The following BRWD1 variants were observed in gnomAD, a reference collection of about 807,000 sequenced individuals.
BRWD1 encodes bromodomain and WD repeat domain containing 1, also known as bromodomain and WD repeat-containing protein 1.
A neutral mutation model predicts 251.2 loss-of-function variants in BRWD1; 82 were observed. The ratio of observed to expected loss-of-function variants is 0.33; its 90% CI spans 0.27 to 0.39. BRWD1 has a LOEUF of 0.39. Ranked by LOEUF, BRWD1 falls within the 10% of genes least tolerant of loss-of-function variation. The probability of loss-of-function intolerance (pLI) is 1.00; values close to 1 mark genes in which losing one functional copy is unlikely to be tolerated. For missense variants in BRWD1, 2,233 were observed against 2,711.6 expected, an observed-to-expected ratio of 0.82 and a Z score of 3.92; for synonymous variants, 918 against 902.8, an observed-to-expected ratio of 1.02 and a Z score of -0.30.
Position 39,190,498 on chromosome 21 carries a change from T to C in BRWD1, c.*5761A>G. The C allele has an allele frequency of 1.0e-6, 1 of 985,364 alleles. No individual in the cohort carries two copies. Among genetic ancestry groups the C allele is most frequent in the African/African-American group, 1.7e-5 (1 of 57,350 alleles). The allele number at this position is 985,364 out of a possible 1,614,324, so 61.0% of individuals were successfully genotyped here. On this transcript the variant is annotated 3_prime_UTR_variant, in exon 41 of 41. Coordinates refer to ENST00000342449, the MANE Select transcript of BRWD1 (RefSeq NM_033656.4). Reference sequence around the variant, plus strand: ...TGCTGTGGTTGGTGGATAAATCAAATCCACAAAGTGGGTAAACCCTCTAGG... The same window carrying C: ...TGCTGTGGTTGGTGGATAAATCAAACCCACAAAGTGGGTAAACCCTCTAGG...
chr21:39,223,317 A>G (rs888257278), intron 29 of BRWD1, among the ~76,000 whole-genome samples: 1 of 152,156 alleles, frequency 6.6e-6, no homozygotes, highest in Admixed American at 6.6e-5. Flanking sequence ...AAAGTGCTAT[A>G]AAAAATGGAG....
chr21:39,289,580 G>A (rs2035744254), intron 8 of BRWD1, among the ~76,000 whole-genome samples: 1 of 152,034 alleles, frequency 6.6e-6, no homozygotes, highest in Admixed American at 6.6e-5. Flanking sequence ...CCATTGCTAA[G>A]AAGTTCTCAG....
At chr21:39,301,987 T>G (rs990172356) in intron 4 of BRWD1, among the ~76,000 whole-genome samples, 7 of 135,284 alleles carry the variant, frequency 5.2e-5, no homozygotes, top group Non-Finnish European at 7.8e-5. Context: ...TGTTTTTTTT[T>G]TTTTTTTTTT....
At position 39,190,435 on chromosome 21, in the gene BRWD1, C is replaced by G; in HGVS notation, c.*5824G>C. ...CTGACTCAAAATGAAAACATACTAG[C>G]CTCTTTCATAAACTCCTAGAATCTT... On this transcript the variant is annotated 3_prime_UTR_variant, in exon 41 of 41. Transcript: ENST00000342449. 8.1e-6 allele frequency: 8 copies of G among 985,236 alleles called. No individual in the cohort carries two copies. Among genetic ancestry groups the G allele is most frequent in the Non-Finnish European group, 9.6e-6 (8 of 829,848 alleles). The allele number at this position is 985,236 out of a possible 1,614,324, so 61.0% of individuals were successfully genotyped here. A position where few individuals can be genotyped will look rare whatever the true frequency, so the allele number is the denominator to read the frequency against.
rs113610690 is a variant in BRWD1 at position 39,297,370 on chromosome 21, C to G, written c.350-1007G>C. On this transcript the variant is annotated intron_variant, in intron 5 of 40. Transcript: ENST00000342449. Reference sequence around the variant, plus strand: ...TCCTGGGGTACCAGTACAAAACAAACAGAGAATACGCCCCTACCCTAGGGC... The same window carrying G: ...TCCTGGGGTACCAGTACAAAACAAAGAGAGAATACGCCCCTACCCTAGGGC... 6.1e-6 allele frequency: 6 copies of G among 985,428 alleles called. No individual in the cohort carries two copies. In the African/African-American group the frequency reaches 7.0e-5, roughly 11 times the overall value. The allele number at this position is 985,428 out of a possible 1,614,324, so 61.0% of individuals were successfully genotyped here.
At position 39,187,081 on chromosome 21, in the gene BRWD1, T is replaced by C. The variant is rs181336124; in HGVS notation, c.*9178A>G. On this transcript the variant is annotated 3_prime_UTR_variant, in exon 41 of 41. Coordinates refer to ENST00000342449, the MANE Select transcript of BRWD1 (RefSeq NM_033656.4). Reference sequence around the variant, plus strand: ...CCCCCTTAAAAAAAGCATTTTTCTATTAATATCTTCTAGCTCTTTTTCACT... The same window carrying C: ...CCCCCTTAAAAAAAGCATTTTTCTACTAATATCTTCTAGCTCTTTTTCACT... 1.9e-4 allele frequency: 309 copies of C among 1,596,812 alleles called. 3 individuals are homozygous for C. In the South Asian group the frequency reaches 2.1e-3, roughly 11 times the overall value.
chr21:39,207,451 A>AAAACACAC (rs375444336), intron 36 of BRWD1, among the ~76,000 whole-genome samples: 5 of 131,288 alleles, frequency 3.8e-5, no homozygotes, highest in African/African-American at 1.5e-4. Context: ...AAAAAAAGAA[A>AAAACACAC]ACACACACAC....
At chr21:39,237,182 GAGGT>G (rs1205276364) in intron 22 of BRWD1, among the ~76,000 whole-genome samples, 3 of 152,148 alleles carry the variant, frequency 2.0e-5, no homozygotes, top group African/African-American at 7.2e-5. Context: ...GGAGGAAGCT[GAGGT>G]ATAGACCAGG....
intron 15 of BRWD1, among the ~76,000 whole-genome samples, chr21:39,267,419 C>A (rs547900489): frequency 6.6e-6 from 1 of 152,078 alleles, no homozygotes; most frequent in Non-Finnish European, 1.5e-5. Context: ...CATGGTGAAA[C>A]CCCATCTCTA....
At chr21:39,213,578 T>A in intron 32 of BRWD1, 25 bp from the exon 33 acceptor site, 1 of 1,496,716 alleles carries the variant, frequency 6.7e-7, no homozygotes, top group Non-Finnish European at 9.2e-7. Flanking sequence ...TTCACTTTAA[T>A]AGTATGCAGA....
In BRWD1 at chr21:39,187,085, T is replaced by C; in HGVS notation, c.*9174A>G. 1 of 1,597,150 alleles carries C rather than the reference T, an allele frequency of 6.3e-7. No homozygotes were observed. The highest frequency in any genetic ancestry group is 1.2e-5 in the South Asian group (1 of 86,758). On this transcript the variant is annotated 3_prime_UTR_variant, in exon 41 of 41. Coordinates refer to ENST00000342449, the MANE Select transcript of BRWD1 (RefSeq NM_033656.4). ...CTTAAAAAAAGCATTTTTCTATTAATATCTTCTAGCTCTTTTTCACTTTCA... is the reference window on the plus strand; with the variant it reads ...CTTAAAAAAAGCATTTTTCTATTAACATCTTCTAGCTCTTTTTCACTTTCA...
chr21:39,281,527 T>C (rs1362092632), intron 8 of BRWD1, among the ~76,000 whole-genome samples: 1 of 152,036 alleles, frequency 6.6e-6, no homozygotes, highest in Non-Finnish European at 1.5e-5. Flanking sequence ...AAACCCTGTC[T>C]CTACAAAAAA....
intron 18 of BRWD1, 69 bp from the exon 19 acceptor site, chr21:39,255,897 G>C: frequency 7.2e-7 from 1 of 1,397,204 alleles, no homozygotes; most frequent in Non-Finnish European, 1.0e-6. Context: ...CATGTAACAA[G>C]CACACGTTCA....
intron 40 of BRWD1, among the ~76,000 whole-genome samples, chr21:39,198,336 C>T (rs1292621843): frequency 6.6e-6 from 1 of 152,164 alleles, no homozygotes; most frequent in Non-Finnish European, 1.5e-5. Flanking sequence ...ATAGAAACAG[C>T]TCAGTAACTG....
intron 19 of BRWD1, among the ~76,000 whole-genome samples, chr21:39,251,996 G>A (rs1042263084): frequency 5.3e-5 from 8 of 152,134 alleles, no homozygotes; most frequent in Non-Finnish European, 1.2e-4. Flanking sequence ...GCCGGGCGCA[G>A]TGGCCCACAC....
chr21:39,190,583 CCT>C lies in BRWD1; in HGVS notation c.*5674_*5675del. 1 of 985,348 alleles carries C rather than the reference CCT, an allele frequency of 1.0e-6. No homozygotes were observed. The highest frequency in any genetic ancestry group is 1.2e-6 in the Non-Finnish European group (1 of 829,908). The allele number at this position is 985,348 out of a possible 1,614,324, so 61.0% of individuals were successfully genotyped here. ...TCAGAAAAGACTTGAGATATTCTCT[CCT>C]CTGTCTGCCCTTCATTGATAAGCAA... is the stretch of plus-strand genomic sequence containing the variant. On this transcript the variant is annotated 3_prime_UTR_variant, in exon 41 of 41. Transcript: ENST00000342449.
Position 39,268,442 on chromosome 21 carries a change from C to CA in BRWD1, c.1530+1456dup, listed in dbSNP as rs35682732. On this transcript the variant is annotated intron_variant, in intron 15 of 40. Coordinates refer to ENST00000342449, the MANE Select transcript of BRWD1 (RefSeq NM_033656.4). ...GGCAACAAGAGAGAAACTCCATCTC[C>CA]AAAAAAAAAAAAAAAAAATTATCAC... is the stretch of plus-strand genomic sequence containing the variant. Among the ~76,000 whole-genome samples the CA allele has an allele frequency of 3.8e-3, 419 of 109,204 alleles. 2 individuals are homozygous for CA. Among genetic ancestry groups the CA allele is most frequent in the African/African-American group, 0.012 (331 of 27,640 alleles). The allele number at this position is 109,204 out of a possible 152,430, so 71.6% of individuals were successfully genotyped here. A position where few individuals can be genotyped will look rare whatever the true frequency, so the allele number is the denominator to read the frequency against.
At chr21:39,276,264 G>T in intron 11 of BRWD1, 51 bp from the exon 12 acceptor site, 1 of 1,508,266 alleles carries the variant, frequency 6.6e-7, no homozygotes, top group East Asian at 2.3e-5. Context: ...CATGGTCTGT[G>T]AATTTGAAAA....
At position 39,296,181 on chromosome 21, in the gene BRWD1, T is replaced by C. The variant is rs73359573; in HGVS notation, c.448+84A>G. ...CAACATTTCAACCAGTATTTCCTTT[T>C]AAATTTTAATACAGCATTTATAAAG... On this transcript the variant is annotated intron_variant, in intron 6 of 40. Coordinates refer to ENST00000342449, the MANE Select transcript of BRWD1 (RefSeq NM_033656.4). The C allele has an allele frequency of 4.5e-3, 5,254 of 1,156,348 alleles. 168 individuals are homozygous for C. The African/African-American group carries it at 0.074, about 16-fold the overall frequency. 71.6% of individuals were successfully genotyped at this position (1,156,348 alleles called of 1,614,324 possible).
Sources: gnomAD v4.1 joint callset for allele counts (sites outside exome capture counted in the v4.1 genomes callset) on GRCh38, gnomAD v4.1.1 for gene constraint, MANE v1.5 for transcripts, NCBI Gene and HGNC (gene_info 2026-07-23, HGNC 2026-07-21) for gene names.